YRDC: variants seen among roughly 807,000 people sequenced by gnomAD.
YRDC encodes threonylcarbamoyl-AMP synthase.
A neutral mutation model predicts 21.5 loss-of-function variants in YRDC; 17 were observed. The observed-to-expected ratio is 0.79, with a 90% CI of 0.54 to 1.19. The LOEUF (loss-of-function observed/expected upper bound fraction) is 1.19. Ranked by LOEUF, YRDC falls within the 50% of genes most tolerant of loss-of-function variation. The pLI is 0.00. For missense variants in YRDC, 380 were observed against 397.1 expected (o/e 0.96, Z 0.37); for synonymous variants, 193 against 176.7 (o/e 1.09, Z -0.73).
chr1:37,803,745 G>T lies in YRDC; in HGVS notation c.*180C>A, dbSNP rs1389658069. 1.2e-4 allele frequency: 67 copies of T among 570,150 alleles called. 1 individual carries two copies. The South Asian group carries it at 1.7e-3, about 14-fold the overall frequency. The allele number at this position is 570,150 out of a possible 1,614,324, so 35.3% of individuals were successfully genotyped here. ...AAATAAATACATCCTTTCCCCAGGTGCAAGGCTAAACCAGCAGCTCCAAGG... is the reference window on the plus strand; with the variant it reads ...AAATAAATACATCCTTTCCCCAGGTTCAAGGCTAAACCAGCAGCTCCAAGG... On this transcript the variant is annotated 3_prime_UTR_variant, in exon 5 of 5. Coordinates refer to ENST00000373044, the MANE Select transcript of YRDC (RefSeq NM_024640.4).
chr1:37,804,521 A>G (rs766618298), intron 3 of YRDC, 77 bp from the exon 4 acceptor site: 7 of 1,523,488 alleles, frequency 4.6e-6, no homozygotes, highest in Non-Finnish European at 5.3e-6. Context: ...GCAGTCATCA[A>G]AGGCCATATA....
At chr1:37,806,122 G>A (rs1646733816) in intron 3 of YRDC, among the ~76,000 whole-genome samples, 1 of 152,038 alleles carries the variant, frequency 6.6e-6, no homozygotes, top group South Asian at 2.1e-4. Flanking sequence ...ATCAAAAACT[G>A]GTTAAAAATC....
chr1:37,807,537 C>G (rs768390250), intron 1 of YRDC: 13 of 689,024 alleles, frequency 1.9e-5, no homozygotes, highest in Non-Finnish European at 3.0e-5. Flanking sequence ...TGCTTTTTTC[C>G]CGGGGGCCTC....
intron 3 of YRDC, 36 bp from the exon 4 acceptor site, chr1:37,804,480 C>T (rs1420892064): frequency 1.3e-6 from 2 of 1,589,138 alleles, no homozygotes; most frequent in African/African-American, 1.3e-5. Flanking sequence ...TGGACACTAT[C>T]CCTGGTGTAT....
Position 37,808,146 on chromosome 1 carries a change from G to A in YRDC, c.35C>T (p.Ala12Val), listed in dbSNP as rs983372263. Reference sequence around the variant, plus strand: ...CAACCCCACGCTGGCAGCCACCGCGGCCCTCATCCCCCTGCACCGACGCGC... The same window carrying A: ...CAACCCCACGCTGGCAGCCACCGCGACCCTCATCCCCCTGCACCGACGCGC... ...SPARRCRGMR[A>V]AVAASVGLSE... Residue 12 changes from alanine to valine, a missense_variant, in exon 1 of 5, where the codon GCC becomes GTC. This residue lies in a region of YRDC where 91 missense variants were observed against 64.7 expected (regional missense o/e 1.41). Coordinates refer to ENST00000373044, the MANE Select transcript of YRDC (RefSeq NM_024640.4). 22 of 1,472,208 alleles carry A rather than the reference G, an allele frequency of 1.5e-5. No homozygotes were observed. In the African/African-American group the frequency reaches 1.6e-4, roughly 11 times the overall value. The allele number at this position is 1,472,208 out of a possible 1,614,324, so 91.2% of individuals were successfully genotyped here. A position where few individuals can be genotyped will look rare whatever the true frequency, so the allele number is the denominator to read the frequency against.
In YRDC at chr1:37,806,860, G is replaced by A. The variant is rs528239908; in HGVS notation, c.621C>T (p.Val207=). 8.1e-6 allele frequency: 13 copies of A among 1,613,974 alleles called. No individual in the cohort carries two copies. The highest frequency in any genetic ancestry group is 6.6e-5 in the South Asian group (6 of 91,070). ...GGGAAGGACTGGGTAAACTCACCTC[G>A]ACATTCAGAGAACTGGCCTGGGAGC... The part of the protein sequence containing the change: ...NLSSQASSLN[V]EEFQDLWPQL... The change falls in exon 3 of 5, where the codon GTC becomes GTT. Residue 207 remains valine, a synonymous_variant. Coordinates refer to ENST00000373044, the MANE Select transcript of YRDC (RefSeq NM_024640.4).
At chr1:37,804,120 G>A (rs762311886) in intron 4 of YRDC, 123 bp from the exon 5 acceptor site, 2 of 1,437,366 alleles carry the variant, frequency 1.4e-6, no homozygotes, top group Non-Finnish European at 9.5e-7. Flanking sequence ...AACCCTTGAT[G>A]AAACCTTTTG....
rs112627355 is a variant in YRDC at position 37,804,340 on chromosome 1, C to T, written c.729G>A (p.Leu243=). 154 of 1,614,164 alleles carry T rather than the reference C, an allele frequency of 9.5e-5. No individual in the cohort carries two copies. In the Middle Eastern group the frequency reaches 1.3e-3, roughly 14 times the overall value. ...ECRLGSTVVD[L]SVPGKFGIIR... is the part of the protein sequence containing the mutation. ...TGATGCCAAACTTTCCGGGCACAGA[C>T]AAATCAACCACAGTTGAGCCAAGGC... The change falls in exon 4 of 5, where the codon TTG becomes TTA. Residue 243 remains leucine, a synonymous_variant. Coordinates refer to ENST00000373044, the MANE Select transcript of YRDC (RefSeq NM_024640.4).
Position 37,807,894 on chromosome 1 carries a change from G to A in YRDC, c.287C>T (p.Ala96Val). ...PTDTLYGLAC[A>V]ASCSAALRAV... ...GCGCAGAGCCGCCGAGCAGCTCGCC[G>A]CGCAGGCCAGGCCGTACAGCGTATC... The change falls in exon 1 of 5, where the codon GCG becomes GTG. Residue 96 changes from alanine to valine, a missense_variant. By Grantham distance (64) the Ala-to-Val change is moderately conservative. This residue lies in a region of YRDC where 51 missense variants were observed against 95.9 expected (regional missense o/e 0.53). Coordinates refer to ENST00000373044, the MANE Select transcript of YRDC (RefSeq NM_024640.4). 10 of 1,447,442 alleles carry A rather than the reference G, an allele frequency of 6.9e-6. No homozygotes were observed. The highest frequency in any genetic ancestry group is 3.0e-5 in the East Asian group (1 of 33,814). 89.7% of individuals were successfully genotyped at this position (1,447,442 alleles called of 1,614,324 possible).
At chr1:37,807,045 C>T in intron 2 of YRDC, 56 bp downstream of exon 2, 3 of 1,613,844 alleles carry the variant, frequency 1.9e-6, no homozygotes, top group East Asian at 2.2e-5. Flanking sequence ...TTATCTGGAT[C>T]CTAGTGAAAG....
chr1:37,806,232 G>C (rs190203560), intron 3 of YRDC, among the ~76,000 whole-genome samples: 1 of 149,478 alleles, frequency 6.7e-6, no homozygotes, highest in Non-Finnish European at 1.5e-5. Context: ...ACAGAGTCTC[G>C]CTCTAGAGCC....
chr1:37,805,133 G>C (rs192804123), intron 3 of YRDC, among the ~76,000 whole-genome samples: 1 of 152,216 alleles, frequency 6.6e-6, no homozygotes, highest in Admixed American at 6.5e-5. Flanking sequence ...GCACACGCCT[G>C]TAATCCCAGC....
intron 1 of YRDC, 156 bp downstream of exon 1, chr1:37,807,636 G>GGCA: frequency 2.3e-6 from 3 of 1,301,174 alleles, no homozygotes; most frequent in Non-Finnish European, 3.0e-6. Flanking sequence ...CAGGGCCCGG[G>GGCA]GCACGTTAAG....
At position 37,807,801 on chromosome 1, in the gene YRDC, T is replaced by G. The variant is rs1285201383; in HGVS notation, c.380A>C (p.Asp127Ala). ...GTCGGGGCGGCCTTACCTGTAGACG[T>G]CGGCCACGCGGCCGAGGCATACGGC... ...PLAVCLGRVADVYRYCRVRVP... is the reference protein window; with the variant it reads ...PLAVCLGRVAAVYRYCRVRVP... The change falls in exon 1 of 5, where the codon GAC (aspartate) becomes GCC (alanine). Residue 127 changes from aspartate (D) to alanine (A), a missense_variant. Transcript: ENST00000373044. 6.6e-7 allele frequency: 1 copy of G among 1,509,148 alleles called. No homozygotes were observed. The highest frequency in any genetic ancestry group is 1.4e-5 in the African/African-American group (1 of 70,808). The allele number at this position is 1,509,148 out of a possible 1,614,324, so 93.5% of individuals were successfully genotyped here.
intron 3 of YRDC, among the ~76,000 whole-genome samples, chr1:37,804,728 T>C (rs1388445169): frequency 6.6e-6 from 1 of 152,148 alleles, no homozygotes; most frequent in African/African-American, 2.4e-5. Context: ...GTTAGGGAAA[T>C]ATAAGTACAA....
chr1:37,803,808 A>G lies in YRDC; in HGVS notation c.*117T>C, dbSNP rs1569821978. On this transcript the variant is annotated 3_prime_UTR_variant, in exon 5 of 5. Transcript: ENST00000373044. ...GTGCTCAGAAAGACACACTGCCTTA[A>G]AAGTCAGGCTAGTGCCCTAGCTCCG... The G allele has an allele frequency of 1.8e-6, 2 of 1,138,790 alleles. No homozygotes were observed. Among genetic ancestry groups the G allele is most frequent in the East Asian group, 2.5e-5 (1 of 40,512 alleles). The allele number at this position is 1,138,790 out of a possible 1,614,324, so 70.5% of individuals were successfully genotyped here.
At chr1:37,807,689 G>A in intron 1 of YRDC, 103 bp downstream of exon 1, 20 of 1,354,506 alleles carry the variant, frequency 1.5e-5, no homozygotes, top group Non-Finnish European at 1.9e-5. Flanking sequence ...TGGTGAGCCT[G>A]GACAAGCCCC....
At chr1:37,807,599 G>T in intron 1 of YRDC, 193 bp downstream of exon 1, 1 of 1,095,360 alleles carries the variant, frequency 9.1e-7, no homozygotes, top group Non-Finnish European at 1.2e-6. Flanking sequence ...TTTCTCGTGT[G>T]TTGCTGCTTC....
rs529826597 is a variant in YRDC, at chr1:37,803,606, T to C, written c.*319A>G. ...CTCTCACTAGATTCTAAATCTGTTA[T>C]TTAATTACTTTTCAATTGAAAAACA... On this transcript the variant is annotated 3_prime_UTR_variant, in exon 5 of 5. Transcript: ENST00000373044. 6 of 280,598 alleles carry C rather than the reference T, an allele frequency of 2.1e-5. No individual in the cohort carries two copies. The South Asian group carries it at 3.3e-4, about 16-fold the overall frequency. 17.4% of individuals were successfully genotyped at this position (280,598 alleles called of 1,614,324 possible). A position where few individuals can be genotyped will look rare whatever the true frequency, so the allele number is the denominator to read the frequency against.
Sources: gnomAD v4.1 joint callset for allele counts (sites outside exome capture counted in the v4.1 genomes callset) on GRCh38, gnomAD v4.1.1 for gene constraint, gnomAD v4.1.1 regional missense constraint, MANE v1.5 for transcripts, NCBI Gene and HGNC (gene_info 2026-07-23, HGNC 2026-07-21) for gene names.